DCDC2: variants seen among roughly 807,000 people sequenced by gnomAD.
DCDC2 encodes the protein doublecortin domain containing 2, also known as doublecortin domain-containing protein 2.
A neutral mutation model predicts 50.2 loss-of-function variants in DCDC2; 40 were observed. That is an observed-to-expected ratio of 0.80 (90% CI 0.62 to 1.04). The LOEUF is 1.04. Among genes scored for constraint, DCDC2 ranks in the 50% least tolerant of loss-of-function variants. The probability of loss-of-function intolerance (pLI) is 0.00; values close to 1 mark genes in which losing one functional copy is unlikely to be tolerated. For missense variants in DCDC2, 570 were observed against 581.9 expected (o/e 0.98, Z 0.21); for synonymous variants, 234 against 210.6 (o/e 1.11, Z -0.96).
At chr6:24,340,541 T>C (rs1334017544) in intron 2 of DCDC2, among the ~76,000 whole-genome samples, 2 of 152,176 alleles carry the variant, frequency 1.3e-5, no homozygotes, top group East Asian at 3.9e-4. Context: ...ACACTTCTTT[T>C]TTTAATCCAG....
At chr6:24,238,680 A>T (rs1762504970) in intron 7 of DCDC2, among the ~76,000 whole-genome samples, 1 of 152,180 alleles carries the variant, frequency 6.6e-6, no homozygotes, top group African/African-American at 2.4e-5. Context: ...TGACTGAAAG[A>T]ATCAGGATGT....
chr6:24,305,305 CCA>C lies in DCDC2; in HGVS notation c.349-3263_349-3262del, dbSNP rs547467966. 5.1e-3 allele frequency among the ~76,000 whole-genome samples: 772 copies of C among 152,238 alleles called. 1 individual carries two copies. The highest frequency in any genetic ancestry group is 0.027 in the Middle Eastern group (8 of 294). ...GTGTTCCCCAAATGTTCATGATTAACCAGTTGAATTGAAAACTAATCTTAAAG... is the reference window on the plus strand; with the variant it reads ...GTGTTCCCCAAATGTTCATGATTAACGTTGAATTGAAAACTAATCTTAAAG... On this transcript the variant is annotated intron_variant, in intron 2 of 9. Coordinates refer to ENST00000378454, the MANE Select transcript of DCDC2 (RefSeq NM_016356.5).
intron 2 of DCDC2, among the ~76,000 whole-genome samples, chr6:24,335,480 G>C (rs1004251886): frequency 6.6e-6 from 1 of 152,084 alleles, no homozygotes; most frequent in Non-Finnish European, 1.5e-5. Flanking sequence ...TTTTCTATTT[G>C]AATAGAATTC....
chr6:24,257,948 G>A (rs1196465172), intron 7 of DCDC2, among the ~76,000 whole-genome samples: 2 of 152,082 alleles, frequency 1.3e-5, no homozygotes, highest in Admixed American at 1.3e-4. Flanking sequence ...TGAGTGTGAA[G>A]AATGAGGCAT....
upstream of DCDC2, among the ~76,000 whole-genome samples, chr6:24,359,651 C>G (rs1477362858): frequency 2.7e-5 from 4 of 145,634 alleles, no homozygotes; most frequent in Non-Finnish European, 6.0e-5. Flanking sequence ...AACCCCAGCA[C>G]TTTGGGAAAC....
Position 24,197,640 on chromosome 6 carries a change from G to A in DCDC2, c.1023+7362C>T, listed in dbSNP as rs793854. Among the ~76,000 whole-genome samples, 1,177 of 152,228 alleles carry A rather than the reference G, an allele frequency of 7.7e-3. 15 individuals are homozygous for A. The highest frequency in any genetic ancestry group is 0.026 in the African/African-American group (1,065 of 41,524). Reference sequence around the variant, plus strand: ...TTGAAATCTGCGTGATTTTTACCACGTTAGGCTTTTCATCAGGAAGACGAC... The same window carrying A: ...TTGAAATCTGCGTGATTTTTACCACATTAGGCTTTTCATCAGGAAGACGAC... On this transcript the variant is annotated intron_variant, in intron 8 of 9. Coordinates refer to ENST00000378454, the MANE Select transcript of DCDC2 (RefSeq NM_016356.5).
intron 4 of DCDC2, among the ~76,000 whole-genome samples, chr6:24,301,186 A>G (rs1423966454): frequency 2.6e-5 from 4 of 151,996 alleles, no homozygotes; most frequent in Admixed American, 6.6e-5. Flanking sequence ...CCTGGCTAAC[A>G]TGGAGAAACC....
chr6:24,260,270 C>T (rs528406151), intron 7 of DCDC2, among the ~76,000 whole-genome samples: 72 of 152,204 alleles, frequency 4.7e-4, no homozygotes, highest in Admixed American at 2.1e-3. Flanking sequence ...AATGGGTTGC[C>T]GGTTCCCACC....
chr6:24,207,447 T>C (rs1226113747), intron 7 of DCDC2, among the ~76,000 whole-genome samples: 1 of 152,226 alleles, frequency 6.6e-6, no homozygotes, highest in Non-Finnish European at 1.5e-5. Context: ...TGCAGTACCA[T>C]GCTTTAATTA....
At chr6:24,272,159 T>A (rs1763253083) in intron 7 of DCDC2, among the ~76,000 whole-genome samples, 2 of 152,176 alleles carry the variant, frequency 1.3e-5, no homozygotes, top group Non-Finnish European at 2.9e-5. Context: ...TTCAGCCCAC[T>A]TTTAATTTTT....
At chr6:24,231,727 T>A (rs781538235) in intron 7 of DCDC2, among the ~76,000 whole-genome samples, 1 of 151,998 alleles carries the variant, frequency 6.6e-6, no homozygotes, top group Admixed American at 6.6e-5. Context: ...TGTAATTATT[T>A]ATGTGATGAA....
At chr6:24,358,734 A>T (rs1335568866), upstream of DCDC2, among the ~76,000 whole-genome samples, 7 of 9,834 alleles carry the variant, frequency 7.1e-4, no homozygotes, top group Admixed American at 4.8e-3. Context: ...ATTTTATTTT[A>T]TATATATTTT....
At chr6:24,306,727 C>G (rs1415935114) in intron 2 of DCDC2, among the ~76,000 whole-genome samples, 1 of 152,090 alleles carries the variant, frequency 6.6e-6, no homozygotes, top group Non-Finnish European at 1.5e-5. Flanking sequence ...TCTCTGACAT[C>G]TTATTTAGAT....
At chr6:24,352,636 G>T (rs558171603) in intron 2 of DCDC2, among the ~76,000 whole-genome samples, 1 of 151,870 alleles carries the variant, frequency 6.6e-6, no homozygotes, top group Non-Finnish European at 1.5e-5. Context: ...TTTTTCTTAC[G>T]CAATATTTTT....
chr6:24,233,863 G>A (rs1762384628), intron 7 of DCDC2, among the ~76,000 whole-genome samples: 1 of 152,180 alleles, frequency 6.6e-6, no homozygotes, highest in African/African-American at 2.4e-5. Context: ...TTAGGGAAAT[G>A]TGATGATTAT....
At chr6:24,260,922 T>C (rs1279780026) in intron 7 of DCDC2, among the ~76,000 whole-genome samples, 1 of 152,226 alleles carries the variant, frequency 6.6e-6, no homozygotes, top group African/African-American at 2.4e-5. Flanking sequence ...GATTGAATTA[T>C]TGAGAACTCT....
the DCDC2 span, among the ~76,000 whole-genome samples, chr6:24,375,727 T>C: frequency 2.6e-5 from 4 of 152,154 alleles, no homozygotes; most frequent in East Asian, 3.8e-4. Flanking sequence ...CAGTAGGACA[T>C]TGTCTATTTT....
the DCDC2 span, among the ~76,000 whole-genome samples, chr6:24,372,681 C>T: frequency 6.6e-6 from 1 of 152,032 alleles, no homozygotes; most frequent in Non-Finnish European, 1.5e-5. Flanking sequence ...AAACCAAACA[C>T]CGCATGTTCT....
the DCDC2 span, among the ~76,000 whole-genome samples, chr6:24,374,985 G>T: frequency 6.6e-6 from 1 of 152,194 alleles, no homozygotes; most frequent in Non-Finnish European, 1.5e-5. Flanking sequence ...AGGGGTGCTA[G>T]AGCCACCTGA....
Sources: gnomAD v4.1 joint callset for allele counts (sites outside exome capture counted in the v4.1 genomes callset) on GRCh38, gnomAD v4.1.1 for gene constraint, MANE v1.5 for transcripts, NCBI Gene and HGNC (gene_info 2026-07-23, HGNC 2026-07-21) for gene names.